Variants in RNF212B observed in about 807,000 individuals in gnomAD.
RNF212B encodes E3 ubiquitin-protein ligase RNF212B.
A neutral mutation model predicts 55.5 loss-of-function variants in RNF212B; 52 were observed. That is an observed-to-expected ratio of 0.94 (90% CI 0.75 to 1.18). The LOEUF is 1.18. Among genes scored for constraint, RNF212B ranks in the 50% most tolerant of loss-of-function variants. The pLI, the probability that RNF212B is intolerant of heterozygous loss-of-function variation, is 0.00. For missense variants in RNF212B, 289 were observed against 350.4 expected (o/e 0.82, Z 1.40); for synonymous variants, 99 against 121.4 (o/e 0.82, Z 1.21).
chr14:23,222,941 C>G (rs1881691394), intron 2 of RNF212B, among the ~76,000 whole-genome samples: 1 of 151,048 alleles, frequency 6.6e-6, no homozygotes, highest in Admixed American at 6.6e-5. Flanking sequence ...GTAATCCTAG[C>G]TACTCAGGAA....
upstream of RNF212B, among the ~76,000 whole-genome samples, chr14:23,233,284 T>C (rs1244498159): frequency 6.6e-6 from 1 of 151,910 alleles, no homozygotes; most frequent in Non-Finnish European, 1.5e-5. Context: ...GGCCGCAGGG[T>C]CCTCTGCCTA....
intron 2 of RNF212B, among the ~76,000 whole-genome samples, chr14:23,224,858 A>G (rs1466136697): frequency 6.6e-6 from 1 of 152,242 alleles, no homozygotes; most frequent in African/African-American, 2.4e-5. Context: ...TTTCCATCTG[A>G]CAAGGGATTA....
At position 23,194,659 on chromosome 14, in the gene RNF212B, C is replaced by T. The variant is rs538879112; in HGVS notation, c.-2+1258C>T. On this transcript the variant is annotated intron_variant, in intron 2 of 15. Coordinates refer to the RNF212B transcript ENST00000399910. ...CTGAGGCATGAGAATCGCATGAGCC[C>T]GGGAGATGGAGGTTGCAGTGAGCCG... Among the ~76,000 whole-genome samples the T allele has an allele frequency of 9.7e-5, 13 of 133,768 alleles. No homozygotes were observed. The South Asian group carries it at 1.3e-3, about 13-fold the overall frequency. The allele number at this position is 133,768 out of a possible 152,430, so 87.8% of individuals were successfully genotyped here.
chr14:23,207,059 T>A (rs935529162), intron 2 of RNF212B, among the ~76,000 whole-genome samples: 2 of 152,200 alleles, frequency 1.3e-5, no homozygotes, highest in Non-Finnish European at 2.9e-5. Flanking sequence ...ACCATTGAGC[T>A]GCTTAAAATT....
chr14:23,241,779 C>T (rs1016276616), intron 2 of RNF212B, among the ~76,000 whole-genome samples: 7 of 151,498 alleles, frequency 4.6e-5, no homozygotes, highest in African/African-American at 9.7e-5. Flanking sequence ...GGCAACGTTA[C>T]GGACTGGGAA....
chr14:23,209,156 C>T (rs773961742), intron 2 of RNF212B, among the ~76,000 whole-genome samples: 3 of 152,174 alleles, frequency 2.0e-5, no homozygotes, highest in South Asian at 2.1e-4. Context: ...AACTTCCTGA[C>T]GTTGCCATGG....
intron 4 of RNF212B, among the ~76,000 whole-genome samples, chr14:23,248,376 C>T (rs558120121): frequency 5.6e-4 from 84 of 151,104 alleles, no homozygotes; most frequent in Middle Eastern, 3.4e-3. Flanking sequence ...ACGCAATCTG[C>T]CCGCCTCAGC....
At chr14:23,265,622 A>T (rs1388808850) in intron 11 of RNF212B, among the ~76,000 whole-genome samples, 1 of 152,074 alleles carries the variant, frequency 6.6e-6, no homozygotes, top group Non-Finnish European at 1.5e-5. Context: ...TAGCCAATTT[A>T]TTTCTGTCAG....
upstream of RNF212B, among the ~76,000 whole-genome samples, chr14:23,236,960 TC>T (rs375060458): frequency 3.5e-3 from 438 of 124,414 alleles, 14 homozygotes; most frequent in East Asian, 6.7e-3. Context: ...TCTGTCTCTC[TC>T]TTTTTTTTTT....
chr14:23,238,777 A>C (rs143396495), intron 1 of RNF212B, among the ~76,000 whole-genome samples: 8,112 of 134,750 alleles, frequency 0.06, 337 homozygotes, highest in East Asian at 0.15. Flanking sequence ...TAATAATAAT[A>C]ATAATCCCAC....
chr14:23,197,512 C>T (rs1282098948), intron 2 of RNF212B, among the ~76,000 whole-genome samples: 3 of 151,726 alleles, frequency 2.0e-5, no homozygotes, highest in Admixed American at 6.6e-5. Flanking sequence ...GGCAACAGAG[C>T]GAGACTCCAT....
intron 4 of RNF212B, among the ~76,000 whole-genome samples, 200 bp downstream of exon 4, chr14:23,244,596 AG>A (rs1883855516): frequency 6.6e-6 from 1 of 152,228 alleles, no homozygotes; most frequent in East Asian, 1.9e-4. Context: ...AGGCTGTAAA[AG>A]TCACTAAGTA....
upstream of RNF212B, among the ~76,000 whole-genome samples, chr14:23,236,241 C>T (rs573503327): frequency 2.3e-4 from 35 of 152,162 alleles, no homozygotes; most frequent in African/African-American, 8.2e-4. Flanking sequence ...TTTGGCCAGG[C>T]GCGGTGGCTC....
In RNF212B at chr14:23,254,317, C is replaced by A. The variant is rs1227288608; in HGVS notation, c.229-4232C>A. Among the ~76,000 whole-genome samples the A allele has an allele frequency of 9.3e-4, 131 of 140,808 alleles. 1 individual carries two copies. The highest frequency in any genetic ancestry group is 1.5e-3 in the East Asian group (7 of 4,682). The allele number at this position is 140,808 out of a possible 152,430, so 92.4% of individuals were successfully genotyped here. On this transcript the variant is annotated intron_variant, in intron 4 of 14. Coordinates refer to ENST00000430154, the MANE Select transcript of RNF212B (RefSeq NM_001282322.3). The stretch of plus-strand genomic sequence containing the variant: ...CAAAACAAAACAAAACAAAACAAAA[C>A]AAAAAAACAAAAACAAAAACAAAAA...
intron 2 of RNF212B, among the ~76,000 whole-genome samples, chr14:23,200,786 C>G (rs1002607253): frequency 6.6e-6 from 1 of 152,118 alleles, no homozygotes; most frequent in Non-Finnish European, 1.5e-5. Context: ...CTTCTTAAGT[C>G]AAGTTTGATT....
intron 2 of RNF212B, among the ~76,000 whole-genome samples, chr14:23,214,918 A>C (rs1031747118): frequency 6.6e-6 from 1 of 152,228 alleles, no homozygotes; most frequent in Non-Finnish European, 1.5e-5. Flanking sequence ...CCATGCCAAG[A>C]CATATCATAA....
Position 23,244,395 on chromosome 14 carries a change from A to G in RNF212B, c.227A>G (p.Gln76Arg). Residue 76 changes from glutamine to arginine, a missense_variant and splice_region_variant, in exon 4 of 15, where the codon CAG becomes CGG. Coordinates refer to ENST00000430154, the MANE Select transcript of RNF212B (RefSeq NM_001282322.3). ...TTGCAGTATTTTAGTCACATCTCTC[A>G]GGTATGAGAAACAAAAGTGAAGAAA... is the stretch of plus-strand genomic sequence containing the variant. ...TALQYFSHISQVWSFQKKQTD... is the reference protein window; with the variant it reads ...TALQYFSHISRVWSFQKKQTD... 1 of 1,521,918 alleles carries G rather than the reference A, an allele frequency of 6.6e-7. No individual in the cohort carries two copies. The highest frequency in any genetic ancestry group is 1.2e-5 in the South Asian group (1 of 81,596). 94.3% of individuals were successfully genotyped at this position (1,521,918 alleles called of 1,614,324 possible). A position where few individuals can be genotyped will look rare whatever the true frequency, so the allele number is the denominator to read the frequency against.
intron 2 of RNF212B, among the ~76,000 whole-genome samples, chr14:23,219,553 C>A (rs1238825451): frequency 6.6e-6 from 1 of 151,450 alleles, no homozygotes; most frequent in Non-Finnish European, 1.5e-5. Flanking sequence ...CTCACTGCAA[C>A]CTCTGCCACC....
chr14:23,199,328 G>T (rs1424460982), intron 2 of RNF212B, among the ~76,000 whole-genome samples: 2 of 152,090 alleles, frequency 1.3e-5, no homozygotes, highest in Non-Finnish European at 2.9e-5. Flanking sequence ...ACAGATAGGT[G>T]ATACACAAAT....
Sources: allele counts gnomAD v4.1 joint callset (sites outside exome capture counted in the v4.1 genomes callset), GRCh38; gene constraint gnomAD v4.1.1; transcripts MANE v1.5; gene names NCBI Gene and HGNC (gene_info 2026-07-23, HGNC 2026-07-21).